RASGRP3: variants seen among roughly 807,000 people sequenced by gnomAD.
RASGRP3 encodes RAS guanyl releasing protein 3, also known as ras guanyl-releasing protein 3.
A neutral mutation model predicts 82.7 loss-of-function variants in RASGRP3; 54 were observed. The ratio of observed to expected loss-of-function variants is 0.65; its 90% confidence interval spans 0.52 to 0.82. The LOEUF is 0.82. RASGRP3 is among the 40% of genes least tolerant of loss of function. The probability of loss-of-function intolerance (pLI) is 0.00; values close to 1 mark genes in which losing one functional copy is unlikely to be tolerated. For synonymous variants in RASGRP3, 309 were observed against 300.5 expected (o/e 1.03, Z -0.29); for missense variants, 861 against 828.9 (o/e 1.04, Z -0.48).
Position 33,527,261 on chromosome 2 carries a change from CT to C in RASGRP3, c.933del (p.Val312SerfsTer14), listed in dbSNP as rs781499962. 1 of 1,614,032 alleles carries C rather than the reference CT, an allele frequency of 6.2e-7. No homozygotes were observed. Among genetic ancestry groups the C allele is most frequent in the Non-Finnish European group, 8.5e-7 (1 of 1,179,886 alleles). Reference sequence around the variant, plus strand: ...GGAGTACACTTGAAAGACTTGATAGCTGTCCATGTCATTTTCCCAGACTGGA... The same window carrying C: ...GGAGTACACTTGAAAGACTTGATAGCGTCCATGTCATTTTCCCAGACTGGA... ...ILGVHLKDLI[A>X]VHVIFPDWTE... On this transcript the variant is annotated frameshift_variant, in exon 10 of 18. Transcript: ENST00000403687. LOFTEE classifies it high-confidence loss of function.
chr2:33,502,688 T>G (rs1289989763), intron 1 of RASGRP3, among the ~76,000 whole-genome samples: 6 of 152,050 alleles, frequency 3.9e-5, no homozygotes, highest in Non-Finnish European at 7.4e-5. Context: ...AATTTTTTTG[T>G]ATTTTTATTA....
At chr2:33,494,340 A>T (rs2150965193) in intron 1 of RASGRP3, among the ~76,000 whole-genome samples, 1 of 152,360 alleles carries the variant, frequency 6.6e-6, no homozygotes, top group South Asian at 2.1e-4. Flanking sequence ...ACTGATCAGT[A>T]AATAACGCTT....
rs1456061747 is a variant in RASGRP3 at position 33,520,596 on chromosome 2, G to A, written c.280G>A (p.Gly94Ser). 2 of 1,613,868 alleles carry A rather than the reference G, an allele frequency of 1.2e-6. No homozygotes were observed. Among genetic ancestry groups the A allele is most frequent in the Admixed American group, 1.7e-5 (1 of 60,012 alleles). Reference protein sequence around the residue: ...KFPAEFNLDLGLIRMTEEFRE... With the variant: ...KFPAEFNLDLSLIRMTEEFRE... The stretch of plus-strand genomic sequence containing the variant: ...TCCTGCAGAGTTTAATTTGGATCTT[G>A]GTTTGATTCGTATGACTGAGGAATT... Residue 94 changes from glycine to serine, a missense_variant, in exon 6 of 18, where the codon GGT (glycine) becomes AGT (serine). Physicochemically the swap from Gly to Ser is moderately conservative, Grantham distance 56. Coordinates refer to ENST00000403687, the MANE Select transcript of RASGRP3 (RefSeq NM_001139488.2).
chr2:33,524,687 G>A, intron 9 of RASGRP3, 139 bp downstream of exon 9: 2 of 634,508 alleles, frequency 3.2e-6, no homozygotes, highest in East Asian at 3.0e-5. Flanking sequence ...TGGGGACAAA[G>A]TAGAAAGGGA....
rs1673085963 is a variant in RASGRP3 at position 33,531,265 on chromosome 2, C to T, written c.1084-3058C>T. ...GATAAGAACATTTGTCAGAAAAAAA[C>T]AGCCAGGCTCAAAATATGTTTGACA... On this transcript the variant is annotated intron_variant, in intron 10 of 17. Transcript: ENST00000403687. Among the ~76,000 whole-genome samples, 3 of 152,270 alleles carry T rather than the reference C, an allele frequency of 2.0e-5. No homozygotes were observed. In the South Asian group the frequency reaches 6.2e-4, roughly 32 times the overall value.
chr2:33,459,359 C>A (rs1666225113), intron 2 of RASGRP3, among the ~76,000 whole-genome samples: 1 of 152,208 alleles, frequency 6.6e-6, no homozygotes. Flanking sequence ...TGGTCTCGAT[C>A]TCCTGACTTC....
chr2:33,442,810 A>G (rs1665297794), intron 1 of RASGRP3, among the ~76,000 whole-genome samples: 1 of 152,234 alleles, frequency 6.6e-6, no homozygotes, highest in African/African-American at 2.4e-5. Context: ...AGCCCGTCTC[A>G]GCTTTATTCA....
At chr2:33,520,944 A>G (rs1178516705) in intron 6 of RASGRP3, among the ~76,000 whole-genome samples, 1 of 152,228 alleles carries the variant, frequency 6.6e-6, no homozygotes, top group Non-Finnish European at 1.5e-5. Flanking sequence ...AAGATAGCAC[A>G]TGAAAGGATT....
chr2:33,438,266 T>C (rs1430403362), intron 1 of RASGRP3, among the ~76,000 whole-genome samples: 10 of 152,236 alleles, frequency 6.6e-5, no homozygotes, highest in Non-Finnish European at 2.9e-5. Context: ...CATAGATTTA[T>C]AAATGTATTC....
intron 13 of RASGRP3, among the ~76,000 whole-genome samples, chr2:33,546,924 G>A (rs535679783): frequency 5.9e-5 from 9 of 151,814 alleles, no homozygotes; most frequent in East Asian, 1.9e-4. Flanking sequence ...AAAATTAGCC[G>A]GGCGTGGTGA....
At position 33,540,553 on chromosome 2, in the gene RASGRP3, GTTT is replaced by G. The variant is rs56894064; in HGVS notation, c.1278+1345_1278+1347del. Among the ~76,000 whole-genome samples the G allele has an allele frequency of 5.3e-4, 67 of 126,170 alleles. 5 individuals are homozygous for G. The highest frequency in any genetic ancestry group is 1.1e-3 in the African/African-American group (38 of 34,458). 82.8% of individuals were successfully genotyped at this position (126,170 alleles called of 152,430 possible). A position where few individuals can be genotyped will look rare whatever the true frequency, so the allele number is the denominator to read the frequency against. On this transcript the variant is annotated intron_variant, in intron 12 of 17. Coordinates refer to ENST00000403687, the MANE Select transcript of RASGRP3 (RefSeq NM_001139488.2). The stretch of plus-strand genomic sequence containing the variant: ...TCTCTCTCTCTCTCTCTGTGTGTGT[GTTT>G]TGTGTGTGTGTGTGTGTGTGTGTGT...
chr2:33,471,400 T>C, intron 2 of RASGRP3, among the ~76,000 whole-genome samples: 1 of 147,848 alleles, frequency 6.8e-6, no homozygotes, highest in Non-Finnish European at 1.5e-5. Flanking sequence ...CCTGCTGATC[T>C]CAAACTCCTG....
chr2:33,558,388 C>G, intron 16 of RASGRP3, 52 bp downstream of exon 16: 2 of 1,610,604 alleles, frequency 1.2e-6, no homozygotes, highest in Non-Finnish European at 1.7e-6. Context: ...CTTGCCTCCT[C>G]ACACTTGGAC....
Position 33,516,611 on chromosome 2 carries a change from C to T in RASGRP3, c.140C>T (p.Ser47Phe). 1 of 1,588,862 alleles carries T rather than the reference C, an allele frequency of 6.3e-7. No homozygotes were observed. The highest frequency in any genetic ancestry group is 1.7e-5 in the Admixed American group (1 of 58,180). Residue 47 changes from serine (S) to phenylalanine (F), a missense_variant, in exon 4 of 18, where the codon TCT becomes TTT. Transcript: ENST00000403687. The stretch of plus-strand genomic sequence containing the variant: ...CTACTGATGCACCGATGGTATTTAT[C>T]TTCCACTGAATTGGCAGAAAAACTT... ...IVLLMHRWYLSSTELAEKLLC... is the reference protein window; with the variant it reads ...IVLLMHRWYLFSTELAEKLLC...
rs1350940239 is a variant in RASGRP3 at position 33,491,466 on chromosome 2, CTTAT to C, written c.-261+14768_-261+14771del. 2.6e-5 allele frequency among the ~76,000 whole-genome samples: 4 copies of C among 151,744 alleles called. No homozygotes were observed. In the East Asian group the frequency reaches 7.7e-4, roughly 29 times the overall value. ...AATACTTAATCTTTTTGTATTCCAA[CTTAT>C]TTATTTATAACATAGAAATAATGCT... On this transcript the variant is annotated intron_variant, in intron 1 of 17. Coordinates refer to ENST00000403687, the MANE Select transcript of RASGRP3 (RefSeq NM_001139488.2).
At chr2:33,514,489 T>A (rs12232964) in intron 2 of RASGRP3, among the ~76,000 whole-genome samples, 3 of 117,218 alleles carry the variant, frequency 2.6e-5, no homozygotes, top group African/African-American at 3.5e-5. Context: ...GGCAACATGG[T>A]AAAACCCCAT....
In RASGRP3 at chr2:33,539,195, A is replaced by C; in HGVS notation, c.1263A>C (p.Ile421=). The C allele has an allele frequency of 6.2e-7, 1 of 1,606,938 alleles. No individual in the cohort carries two copies. The highest frequency in any genetic ancestry group is 8.5e-7 in the Non-Finnish European group (1 of 1,176,468). Residue 421 remains isoleucine, a synonymous_variant, in exon 12 of 18, where the codon ATA becomes ATC. Coordinates refer to ENST00000403687, the MANE Select transcript of RASGRP3 (RefSeq NM_001139488.2). ...KPDPTVINKH[I]RKLVESVFRN... ...ACCCCACGGTCATCAACAAGCACAT[A>C]AGGAAATTAGTGGAGGTAAGTGGTT...
In RASGRP3 at chr2:33,558,940, C is replaced by T; in HGVS notation, c.1974C>T (p.Pro658=). 1 of 1,613,936 alleles carries T rather than the reference C, an allele frequency of 6.2e-7. No individual in the cohort carries two copies. The highest frequency in any genetic ancestry group is 8.5e-7 in the Non-Finnish European group (1 of 1,179,890). The change falls in exon 17 of 18, where the codon CCC becomes CCT. Residue 658 remains proline, a synonymous_variant. Coordinates refer to ENST00000403687, the MANE Select transcript of RASGRP3 (RefSeq NM_001139488.2). The part of the protein sequence containing the change: ...KGFAKWENEK[P]RVHAGVDVVD... ...TTGCCAAATGGGAAAATGAGAAGCC[C>T]AGGGTGCATGCTGGTGTGGATGTTG... is the stretch of plus-strand genomic sequence containing the variant.
chr2:33,559,066 G>A, intron 17 of RASGRP3, 36 bp downstream of exon 17: 1 of 1,504,256 alleles, frequency 6.6e-7, no homozygotes, highest in Non-Finnish European at 8.9e-7. Flanking sequence ...AAAACCAGAA[G>A]AAGGAGGCTG....
Sources: gnomAD v4.1 joint callset for allele counts (sites outside exome capture counted in the v4.1 genomes callset) on GRCh38, gnomAD v4.1.1 for gene constraint, MANE v1.5 for transcripts, NCBI Gene and HGNC (gene_info 2026-07-23, HGNC 2026-07-21) for gene names.